Variants in INPP5A observed in about 807,000 individuals in gnomAD.
INPP5A encodes 43 kDa inositol polyphosphate 5-phophatase.
A neutral mutation model predicts 65.2 loss-of-function variants in INPP5A; 14 were observed. The ratio of observed to expected loss-of-function variants is 0.21; its 90% CI spans 0.14 to 0.34. INPP5A has a LOEUF of 0.34. Ranked by LOEUF, INPP5A falls within the 10% of genes least tolerant of loss-of-function variation. The pLI is 1.00. For missense variants in INPP5A, 431 were observed against 545.6 expected (o/e 0.79, Z 2.09); for synonymous variants, 207 against 208.3 (o/e 0.99, Z 0.05).
At chr10:132,694,454 A>G (rs576928679) in intron 5 of INPP5A, among the ~76,000 whole-genome samples, 18 of 152,324 alleles carry the variant, frequency 1.2e-4, no homozygotes, top group Non-Finnish European at 2.4e-4. Flanking sequence ...GAAAGGAAGA[A>G]AGAGCTAAAA....
At chr10:132,611,526 C>T (rs1170961120) in intron 2 of INPP5A, among the ~76,000 whole-genome samples, 6 of 35,000 alleles carry the variant, frequency 1.7e-4, no homozygotes, top group Admixed American at 1.1e-3. Context: ...TGGGAAGGGG[C>T]GAGGCCCTGT....
Position 132,726,840 on chromosome 10 carries a change from GAGA to G in INPP5A, c.670_672del (p.Lys224del), listed in dbSNP as rs774828250. The G allele has an allele frequency of 8.7e-6, 14 of 1,604,732 alleles. No homozygotes were observed. The East Asian group carries it at 2.9e-4, about 33-fold the overall frequency. On this transcript the variant is annotated inframe_deletion, in exon 9 of 16. Coordinates refer to ENST00000368594, the MANE Select transcript of INPP5A (RefSeq NM_005539.5). The stretch of plus-strand genomic sequence containing the variant: ...TTCCAGAATCATTGATCAGCGATTC[GAGA>G]AGGTTTCCTACTTTGTATTTGGTGA...
At position 132,663,015 on chromosome 10, in the gene INPP5A, T is replaced by C. The variant is rs2072756017; in HGVS notation, c.306+12510T>C. ...AAATCTAGTCTTGTGGTGGATGGCT[T>C]GTGAGGGGTCAAACTGCAGATTTAA... On this transcript the variant is annotated intron_variant, in intron 4 of 15. Coordinates refer to ENST00000368594, the MANE Select transcript of INPP5A (RefSeq NM_005539.5). This position sits in a 1 kb window ranked among gnomAD's most constrained non-coding sequence, Gnocchi z 4.5. Among the ~76,000 whole-genome samples the C allele has an allele frequency of 6.6e-6, 1 of 152,150 alleles. No individual in the cohort carries two copies. The highest frequency in any genetic ancestry group is 1.5e-5 in the Non-Finnish European group (1 of 68,020).
chr10:132,539,680 G>A (rs1314215671), intron 1 of INPP5A, among the ~76,000 whole-genome samples: 2 of 151,364 alleles, frequency 1.3e-5, no homozygotes, highest in Non-Finnish European at 2.9e-5. Context: ...AGCCACGGAC[G>A]CTCCCTCCCT....
intron 1 of INPP5A, among the ~76,000 whole-genome samples, chr10:132,564,554 C>T (rs1386422149): frequency 1.3e-5 from 2 of 152,188 alleles, no homozygotes; most frequent in Non-Finnish European, 2.9e-5. Flanking sequence ...GAAAATAGCA[C>T]TGGCAATGGA....
intron 4 of INPP5A, among the ~76,000 whole-genome samples, chr10:132,688,594 A>G (rs1234240464): frequency 6.6e-6 from 1 of 152,178 alleles, no homozygotes; most frequent in Non-Finnish European, 1.5e-5. Flanking sequence ...AGAGTGCATG[A>G]GTGCGTGTGT....
chr10:132,767,576 G>A (rs1181659986), intron 12 of INPP5A, among the ~76,000 whole-genome samples: 1 of 152,196 alleles, frequency 6.6e-6, no homozygotes, highest in East Asian at 1.9e-4. Flanking sequence ...GGGAGGTGCA[G>A]GAAGCCTCAG....
intron 11 of INPP5A, among the ~76,000 whole-genome samples, chr10:132,761,347 T>G (rs1311732662): frequency 1.3e-5 from 2 of 152,204 alleles, no homozygotes; most frequent in Non-Finnish European, 2.9e-5. Flanking sequence ...TGTGGGGGCA[T>G]GTGTTCATTT....
Position 132,627,523 on chromosome 10 carries a change from G to A in INPP5A, c.118-18345G>A, listed in dbSNP as rs895512421. Among the ~76,000 whole-genome samples the A allele has an allele frequency of 6.6e-6, 1 of 152,198 alleles. No homozygotes were observed. Among genetic ancestry groups the A allele is most frequent in the Non-Finnish European group, 1.5e-5 (1 of 68,038 alleles). On this transcript the variant is annotated intron_variant, in intron 2 of 15. Coordinates refer to ENST00000368594, the MANE Select transcript of INPP5A (RefSeq NM_005539.5). This position sits in a 1 kb window ranked among gnomAD's most constrained non-coding sequence, Gnocchi z 6.6. ...CCCTGCCAGAAGTGGGTGCTTTGAGGGCCAGTGCCTGGTCTGTCCCGACTC... is the reference window on the plus strand; with the variant it reads ...CCCTGCCAGAAGTGGGTGCTTTGAGAGCCAGTGCCTGGTCTGTCCCGACTC...
chr10:132,604,600 A>C (rs2071821825), intron 1 of INPP5A, among the ~76,000 whole-genome samples: 1 of 152,172 alleles, frequency 6.6e-6, no homozygotes, highest in African/African-American at 2.4e-5. Context: ...TGTCATATCA[A>C]TTCCTCAAGC....
At chr10:132,754,558 C>T (rs1846556292) in intron 11 of INPP5A, among the ~76,000 whole-genome samples, 1 of 152,262 alleles carries the variant, frequency 6.6e-6, no homozygotes, top group Admixed American at 6.5e-5. Context: ...GTTTAAGCAG[C>T]TTGAAGGTTC....
In INPP5A at chr10:132,778,861, T is replaced by G. The variant is rs571856985; in HGVS notation, c.1089+1079T>G. ...CCAGACCCCAGGCACAGCAAACACC[T>G]GGGTACAGGTGTGCCCTCAGCAGGG... On this transcript the variant is annotated intron_variant, in intron 13 of 15. Coordinates refer to ENST00000368594, the MANE Select transcript of INPP5A (RefSeq NM_005539.5). Among the ~76,000 whole-genome samples the G allele has an allele frequency of 2.6e-5, 4 of 152,344 alleles. No individual in the cohort carries two copies. The South Asian group carries it at 8.3e-4, about 32-fold the overall frequency.
chr10:132,545,196 T>A lies in INPP5A; in HGVS notation c.75+7025T>A, dbSNP rs534499287. 6.6e-6 allele frequency among the ~76,000 whole-genome samples: 1 copy of A among 151,482 alleles called. No individual in the cohort carries two copies. Among genetic ancestry groups the A allele is most frequent in the East Asian group, 1.9e-4 (1 of 5,144 alleles). On this transcript the variant is annotated intron_variant, in intron 1 of 15. Coordinates refer to ENST00000368594, the MANE Select transcript of INPP5A (RefSeq NM_005539.5). The surrounding 1 kb of genome is among the most constrained non-coding windows in gnomAD (Gnocchi z 4.6). ...TGGCTGTGCTCGGTGGGGGTCTGAT[T>A]TTGGGGGAAGAGGCTGGTACTGGGG...
At chr10:132,565,538 C>T (rs2071261271) in intron 1 of INPP5A, among the ~76,000 whole-genome samples, 1 of 152,122 alleles carries the variant, frequency 6.6e-6, no homozygotes, top group Admixed American at 6.5e-5. Context: ...CAAAAGCCTT[C>T]CTGTGTGTGT....
intron 2 of INPP5A, among the ~76,000 whole-genome samples, chr10:132,643,499 CAAATG>C (rs1407771055): frequency 6.6e-6 from 1 of 151,996 alleles, no homozygotes; most frequent in Non-Finnish European, 1.5e-5. Flanking sequence ...GACCCTGTCT[CAAATG>C]AAATTAAATG....
At chr10:132,554,219 G>A (rs1446483070) in intron 1 of INPP5A, among the ~76,000 whole-genome samples, 8 of 152,198 alleles carry the variant, frequency 5.3e-5, no homozygotes, top group Middle Eastern at 3.2e-3. Context: ...TCACTAGCCT[G>A]TTGTGCTCAC....
chr10:132,738,972 G>T (rs1291022827), intron 9 of INPP5A, among the ~76,000 whole-genome samples: 2 of 152,326 alleles, frequency 1.3e-5, no homozygotes, highest in East Asian at 3.9e-4. Context: ...CGGGTCTAGG[G>T]TTCACCAGGA....
chr10:132,690,682 C>T (rs1845244242), intron 5 of INPP5A, among the ~76,000 whole-genome samples: 1 of 152,126 alleles, frequency 6.6e-6, no homozygotes, highest in South Asian at 2.1e-4. Flanking sequence ...CCTGGCTTTC[C>T]TAGAGTTGAG....
At chr10:132,579,918 GTT>G (rs35846779) in intron 1 of INPP5A, among the ~76,000 whole-genome samples, 1 of 141,740 alleles carries the variant, frequency 7.1e-6, no homozygotes. Flanking sequence ...CTGTTTAAAA[GTT>G]TTTTTTTTTT....
Sources: gnomAD v4.1 joint callset for allele counts (sites outside exome capture counted in the v4.1 genomes callset) on GRCh38, gnomAD v4.1.1 for gene constraint, Gnocchi (gnomAD v3.1) non-coding constraint, MANE v1.5 for transcripts, NCBI Gene and HGNC (gene_info 2026-07-23, HGNC 2026-07-21) for gene names.